Variants in DUSP10 observed in about 807,000 individuals in gnomAD.
DUSP10 encodes the protein dual specificity phosphatase 10.
DUSP10 carries 14 observed loss-of-function variants against 30.8 expected under a neutral mutation model. The observed-to-expected ratio is 0.46, with a 90% CI of 0.30 to 0.71. The LOEUF (loss-of-function observed/expected upper bound fraction) is 0.71. Ranked by LOEUF, DUSP10 falls within the 30% of genes least tolerant of loss-of-function variation. DUSP10 has a pLI of 0.08. For missense variants in DUSP10, 550 were observed against 619.4 expected (o/e 0.89, Z 1.19); for synonymous variants, 254 against 250.4 (o/e 1.01, Z -0.14).
intron 3 of DUSP10, among the ~76,000 whole-genome samples, chr1:221,704,893 C>A (rs1359065975): frequency 6.6e-6 from 1 of 152,144 alleles, no homozygotes; most frequent in Non-Finnish European, 1.5e-5. Context: ...ATCCACCAGA[C>A]CCCACTGGCT....
chr1:221,724,812 G>A (rs763429992), intron 2 of DUSP10, among the ~76,000 whole-genome samples: 2 of 152,120 alleles, frequency 1.3e-5, no homozygotes, highest in African/African-American at 4.8e-5. Flanking sequence ...CGGCTCCCAT[G>A]GAACATCAAA....
At chr1:221,740,493 C>T (rs564747074) in intron 1 of DUSP10, among the ~76,000 whole-genome samples, 228 of 152,246 alleles carry the variant, frequency 1.5e-3, no homozygotes, top group Admixed American at 4.0e-3. Context: ...AACTGGTGTC[C>T]TAAAACGAAA....
intron 2 of DUSP10, among the ~76,000 whole-genome samples, chr1:221,719,060 G>A (rs1167104836): frequency 2.6e-5 from 4 of 152,168 alleles, no homozygotes; most frequent in African/African-American, 9.7e-5. Context: ...ATCTGAGTTT[G>A]CTTTGAATAA....
intron 3 of DUSP10, among the ~76,000 whole-genome samples, chr1:221,704,537 T>C (rs1660701688): frequency 6.6e-6 from 1 of 152,212 alleles, no homozygotes; most frequent in Non-Finnish European, 1.5e-5. Context: ...TTGAGAAATT[T>C]TTCTTCCTCA....
At chr1:221,735,874 A>G (rs182239456) in intron 2 of DUSP10, among the ~76,000 whole-genome samples, 1 of 152,376 alleles carries the variant, frequency 6.6e-6, no homozygotes, top group Admixed American at 6.5e-5. Context: ...GTTTGACTAG[A>G]AAGCAAGTTT....
chr1:221,733,492 G>A (rs751534051), intron 2 of DUSP10, among the ~76,000 whole-genome samples: 10 of 152,206 alleles, frequency 6.6e-5, no homozygotes, highest in Non-Finnish European at 1.2e-4. Context: ...ATTGGTAAGG[G>A]CAAGAGTATT....
chr1:221,738,924 G>A lies in DUSP10; in HGVS notation c.811+10C>T. 1 of 1,594,008 alleles carries A rather than the reference G, an allele frequency of 6.3e-7. No individual in the cohort carries two copies. Among genetic ancestry groups the A allele is most frequent in the Middle Eastern group, 1.7e-4 (1 of 5,900 alleles). On this transcript the variant is annotated intron_variant, in intron 2 of 3. Coordinates refer to ENST00000366899, the MANE Select transcript of DUSP10 (RefSeq NM_007207.6). ...CAGGACCGTGCTTGGGAAGGGAGCA[G>A]GGGCATTACCTTTCAACACCAGAGG...
Position 221,702,952 on chromosome 1 carries a change from G to T in DUSP10, c.1184-275C>A, listed in dbSNP as rs1660649783. ...GAATTGCTCATAGGAACAGTTTGCT[G>T]CACAGGTGACAGCAGTGGCCGGAAG... is the stretch of plus-strand genomic sequence containing the variant. On this transcript the variant is annotated intron_variant, in intron 3 of 3. Coordinates refer to ENST00000366899, the MANE Select transcript of DUSP10 (RefSeq NM_007207.6). This position sits in a 1 kb window ranked among gnomAD's most constrained non-coding sequence, Gnocchi z 4.5. 6.6e-6 allele frequency among the ~76,000 whole-genome samples: 1 copy of T among 152,190 alleles called. No homozygotes were observed. Among genetic ancestry groups the T allele is most frequent in the Non-Finnish European group, 1.5e-5 (1 of 68,040 alleles).
At chr1:221,723,281 G>A (rs1661330797) in intron 2 of DUSP10, among the ~76,000 whole-genome samples, 1 of 152,238 alleles carries the variant, frequency 6.6e-6, no homozygotes, top group South Asian at 2.1e-4. Flanking sequence ...CATTTTCCAA[G>A]TCTAGAATGC....
rs1419686307 is a variant in DUSP10 at position 221,739,596 on chromosome 1, A to G, written c.149T>C (p.Val50Ala). ...NSHPPVIATT[V>A]VSLKAANLTY... ...CAGATTCGCAGCCTTGAGGGACACA[A>G]CGGTGGTGGCGATGACAGGAGGGTG... Residue 50 changes from valine to alanine, a missense_variant, in exon 2 of 4, where the codon GTT becomes GCT. By Grantham distance (64) the Val-to-Ala change is moderately conservative. Transcript: ENST00000366899. 2 of 1,614,050 alleles carry G rather than the reference A, an allele frequency of 1.2e-6. No homozygotes were observed. Among genetic ancestry groups the G allele is most frequent in the African/African-American group, 2.7e-5 (2 of 74,932 alleles).
At chr1:221,707,945 A>G (rs917204122) in intron 2 of DUSP10, among the ~76,000 whole-genome samples, 29 of 152,350 alleles carry the variant, frequency 1.9e-4, no homozygotes, top group Admixed American at 9.1e-4. Flanking sequence ...TTTACACACA[A>G]TGGCATGCAC....
intron 2 of DUSP10, among the ~76,000 whole-genome samples, chr1:221,726,605 TTAACAA>T (rs1426763320): frequency 6.6e-6 from 1 of 151,994 alleles, no homozygotes; most frequent in East Asian, 1.9e-4. Flanking sequence ...TCTTAATATC[TTAACAA>T]TAAGTATACA....
At chr1:221,705,549 C>A (rs1465172672) in intron 3 of DUSP10, among the ~76,000 whole-genome samples, 1 of 152,208 alleles carries the variant, frequency 6.6e-6, no homozygotes, top group Non-Finnish European at 1.5e-5. Context: ...TCCGTCTACA[C>A]AACCTGATCT....
chr1:221,709,739 C>T (rs1254272935), intron 2 of DUSP10, among the ~76,000 whole-genome samples: 1 of 151,920 alleles, frequency 6.6e-6, no homozygotes, highest in Non-Finnish European at 1.5e-5. Context: ...GTTTTCTTCT[C>T]TTGGGGAAGG....
intron 2 of DUSP10, among the ~76,000 whole-genome samples, chr1:221,713,388 G>A (rs1387745618): frequency 6.6e-6 from 1 of 151,882 alleles, no homozygotes; most frequent in Non-Finnish European, 1.5e-5. Context: ...TTATGTCTAC[G>A]ATTTTCAGAA....
At position 221,725,176 on chromosome 1, in the gene DUSP10, A is replaced by C. The variant is rs149327905; in HGVS notation, c.811+13758T>G. Among the ~76,000 whole-genome samples, 286 of 152,242 alleles carry C rather than the reference A, an allele frequency of 1.9e-3. 2 individuals carry two copies. Among genetic ancestry groups the C allele is most frequent in the African/African-American group, 6.5e-3 (270 of 41,544 alleles). On this transcript the variant is annotated intron_variant, in intron 2 of 3. Coordinates refer to ENST00000366899, the MANE Select transcript of DUSP10 (RefSeq NM_007207.6). ...GCCAACAGCTAGCTGCACCCAGCCA[A>C]TCACTCACTCCACTCCCTGGAAAAA...
chr1:221,711,115 C>A (rs1397992834), intron 2 of DUSP10, among the ~76,000 whole-genome samples: 4 of 152,162 alleles, frequency 2.6e-5, no homozygotes, highest in Non-Finnish European at 5.9e-5. Context: ...AACACACGGT[C>A]AGTTCAGTGA....
chr1:221,706,017 C>T lies in DUSP10; in HGVS notation c.1183+78G>A. 1 of 1,543,814 alleles carries T rather than the reference C, an allele frequency of 6.5e-7. No individual in the cohort carries two copies. Among genetic ancestry groups the T allele is most frequent in the East Asian group, 2.3e-5 (1 of 44,436 alleles). ...TTTTCTTTTCCAACACAGGAATAAA[C>T]CTTGAACTTGATATCAAAGCAAGAG... On this transcript the variant is annotated intron_variant, in intron 3 of 3. Coordinates refer to ENST00000366899, the MANE Select transcript of DUSP10 (RefSeq NM_007207.6). This position sits in a 1 kb window ranked among gnomAD's most constrained non-coding sequence, Gnocchi z 4.6.
At chr1:221,730,251 C>T (rs1422409772) in intron 2 of DUSP10, among the ~76,000 whole-genome samples, 1 of 152,162 alleles carries the variant, frequency 6.6e-6, no homozygotes, top group Non-Finnish European at 1.5e-5. Flanking sequence ...TGTTCTGATG[C>T]AAAACGGTGA....
Sources: allele counts gnomAD v4.1 joint callset (sites outside exome capture counted in the v4.1 genomes callset), GRCh38; gene constraint gnomAD v4.1.1; non-coding constraint Gnocchi (gnomAD v3.1); transcripts MANE v1.5; gene names NCBI Gene and HGNC (gene_info 2026-07-23, HGNC 2026-07-21).